Variants in PTPRD observed in about 807,000 individuals in gnomAD.
The protein encoded by PTPRD is protein tyrosine phosphatase receptor type D.
Under a neutral mutation model 214.5 loss-of-function variants are expected in PTPRD, and 34 were observed. The ratio of observed to expected loss-of-function variants is 0.16; its 90% CI spans 0.12 to 0.21. The LOEUF (loss-of-function observed/expected upper bound fraction) is 0.21, where lower values mean the gene tolerates loss of function less well. Among genes scored for constraint, PTPRD ranks in the 10% least tolerant of loss-of-function variants. The pLI is 1.00. For missense variants in PTPRD, 2,545 were observed against 2,398.7 expected, an observed-to-expected ratio of 1.06 and a Z score of -1.27; for synonymous variants, 1,128 against 845.7, an observed-to-expected ratio of 1.33 and a Z score of -5.79.
At chr9:9,274,498 A>T (rs1159316338) in intron 9 of PTPRD, among the ~76,000 whole-genome samples, 1 of 151,274 alleles carries the variant, frequency 6.6e-6, no homozygotes, top group Non-Finnish European at 1.5e-5. Context: ...ACTTCCAAGG[A>T]TGAGTCTCAT....
At chr9:9,878,153 C>T (rs1787819019) in intron 5 of PTPRD, among the ~76,000 whole-genome samples, 2 of 152,038 alleles carry the variant, frequency 1.3e-5, no homozygotes, top group African/African-American at 2.4e-5. Context: ...ACAATAGTGG[C>T]TTTAGTATGC....
chr9:8,518,502 C>T (rs967475449), intron 20 of PTPRD, 73 bp from the exon 21 acceptor site: 25 of 1,076,880 alleles, frequency 2.3e-5, no homozygotes, highest in Non-Finnish European at 3.3e-5. Context: ...ATAAACTCTA[C>T]TATGAAAATG....
intron 3 of PTPRD, among the ~76,000 whole-genome samples, chr9:10,316,266 C>G (rs1451208724): frequency 6.6e-6 from 1 of 150,978 alleles, no homozygotes; most frequent in Non-Finnish European, 1.5e-5. Flanking sequence ...ATACTATTCC[C>G]AATAATTTAA....
At chr9:8,415,180 A>C (rs897824538) in intron 35 of PTPRD, among the ~76,000 whole-genome samples, 2 of 152,154 alleles carry the variant, frequency 1.3e-5, no homozygotes, top group African/African-American at 4.8e-5. Context: ...TGTTCACCTT[A>C]ACTATGGTGC....
rs34342718 is a variant in PTPRD at position 8,940,280 on chromosome 9, C to CTTTTTTTTTTTTTTTTTTT, written c.-104+78398_-104+78416dup. Among the ~76,000 whole-genome samples, 125 of 89,014 alleles carry CTTTTTTTTTTTTTTTTTTT rather than the reference C, an allele frequency of 1.4e-3. 11 individuals are homozygous for CTTTTTTTTTTTTTTTTTTT. Among genetic ancestry groups the CTTTTTTTTTTTTTTTTTTT allele is most frequent in the African/African-American group, 3.5e-3 (80 of 22,878 alleles). 58.4% of individuals were successfully genotyped at this position (89,014 alleles called of 152,430 possible). A position where few individuals can be genotyped will look rare whatever the true frequency, so the allele number is the denominator to read the frequency against. ...TCACACATCTCTCTCTCTCTCTCTC[C>CTTTTTTTTTTTTTTTTTTT]TTTTTTTTTTTTTTTTTTTTGAGAT... On this transcript the variant is annotated intron_variant, in intron 11 of 45. Transcript: ENST00000381196.
At position 10,343,518 on chromosome 9, in the gene PTPRD, G is replaced by T. The variant is rs560651871; in HGVS notation, c.-599-2501C>A. Among the ~76,000 whole-genome samples, 252 of 152,172 alleles carry T rather than the reference G, an allele frequency of 1.7e-3. 3 individuals carry two copies. The highest frequency in any genetic ancestry group is 2.4e-3 in the Non-Finnish European group (163 of 68,012). ...AGTAACGGGATTGCTGGGTCAAATG[G>T]TATTTCTTGTTCTAGGTCCTTGAGG... On this transcript the variant is annotated intron_variant, in intron 2 of 45. Transcript: ENST00000381196.
intron 2 of PTPRD, among the ~76,000 whole-genome samples, chr9:10,506,214 TA>T (rs1158744428): frequency 1.3e-5 from 2 of 152,078 alleles, no homozygotes; most frequent in African/African-American, 2.4e-5. Flanking sequence ...TTATCACTTT[TA>T]AAAAACATTT....
chr9:10,609,609 A>G (rs2080414936), intron 2 of PTPRD, among the ~76,000 whole-genome samples: 1 of 152,148 alleles, frequency 6.6e-6, no homozygotes, highest in Non-Finnish European at 1.5e-5. Context: ...GTGCATTTGC[A>G]GAACTCTGCA....
At chr9:9,344,449 C>A (rs900288152) in intron 9 of PTPRD, among the ~76,000 whole-genome samples, 28 of 151,372 alleles carry the variant, frequency 1.8e-4, no homozygotes, top group Non-Finnish European at 3.5e-4. Flanking sequence ...GCTTATGTGA[C>A]AAAACTACAT....
chr9:8,702,310 A>G (rs1309031807), intron 12 of PTPRD, among the ~76,000 whole-genome samples: 1 of 151,290 alleles, frequency 6.6e-6, no homozygotes, highest in Non-Finnish European at 1.5e-5. Context: ...TACTTGAAAT[A>G]AAGTACTGTG....
chr9:10,001,079 T>C (rs1323083395), intron 4 of PTPRD, among the ~76,000 whole-genome samples: 3 of 152,122 alleles, frequency 2.0e-5, no homozygotes, highest in Non-Finnish European at 4.4e-5. Flanking sequence ...GGAGCTTTTT[T>C]TTCTTCTTTC....
intron 2 of PTPRD, among the ~76,000 whole-genome samples, chr9:10,591,164 C>A (rs1459323037): frequency 6.6e-6 from 1 of 151,924 alleles, no homozygotes; most frequent in African/African-American, 2.4e-5. Context: ...TGCTGAATGA[C>A]CCAATTCTAC....
In PTPRD at chr9:9,912,770, A is replaced by G. The variant is rs1174103900; in HGVS notation, c.-368+25737T>C. The stretch of plus-strand genomic sequence containing the variant: ...GAGAATGATATTCCCTAGACTATCC[A>G]GATGTAAAGATTTTTTTTCTTTTTG... On this transcript the variant is annotated intron_variant, in intron 5 of 45. Transcript: ENST00000381196. 2.6e-5 allele frequency among the ~76,000 whole-genome samples: 4 copies of G among 152,220 alleles called. No individual in the cohort carries two copies. The South Asian group carries it at 8.3e-4, about 32-fold the overall frequency.
chr9:9,572,702 A>G (rs2086904897), intron 8 of PTPRD, among the ~76,000 whole-genome samples: 1 of 150,432 alleles, frequency 6.6e-6, no homozygotes, highest in South Asian at 2.1e-4. Context: ...TATAAACATA[A>G]CCTAATAATA....
chr9:9,604,279 T>A (rs1288836628), intron 7 of PTPRD, among the ~76,000 whole-genome samples: 1 of 152,102 alleles, frequency 6.6e-6, no homozygotes, highest in Admixed American at 6.6e-5. Flanking sequence ...TTCTTTTAAT[T>A]CATTAAAATA....
At chr9:8,382,591 T>C (rs754066089) in intron 37 of PTPRD, among the ~76,000 whole-genome samples, 2 of 152,176 alleles carry the variant, frequency 1.3e-5, no homozygotes, top group Admixed American at 6.5e-5. Flanking sequence ...TTGGTGGGAT[T>C]CTTTCTCTTT....
intron 11 of PTPRD, among the ~76,000 whole-genome samples, chr9:8,738,553 A>G (rs1490684596): frequency 6.6e-6 from 1 of 152,026 alleles, no homozygotes; most frequent in Non-Finnish European, 1.5e-5. Context: ...ACTAGGCTAT[A>G]TTAAAAAAAA....
At chr9:9,757,113 T>C (rs539630948) in intron 6 of PTPRD, among the ~76,000 whole-genome samples, 32 of 152,318 alleles carry the variant, frequency 2.1e-4, no homozygotes, top group African/African-American at 7.7e-4. Context: ...TCAGGCCCTA[T>C]AACAAAGATT....
chr9:8,463,705 G>C (rs1371597235), intron 32 of PTPRD, among the ~76,000 whole-genome samples: 3 of 151,918 alleles, frequency 2.0e-5, no homozygotes, highest in Admixed American at 2.0e-4. Context: ...TTAAATTTTG[G>C]ATAATTCCAA....
Sources: gnomAD v4.1 joint callset for allele counts (sites outside exome capture counted in the v4.1 genomes callset) on GRCh38, gnomAD v4.1.1 for gene constraint, MANE v1.5 for transcripts, NCBI Gene and HGNC (gene_info 2026-07-23, HGNC 2026-07-21) for gene names.